The following TMEM178A variants were observed in gnomAD, a reference collection of about 807,000 sequenced individuals.
TMEM178A encodes the protein transmembrane protein 178.
In TMEM178A, 12 loss-of-function variants were observed where a neutral mutation model predicts 29.1. That is an observed-to-expected ratio of 0.41 (90% CI 0.26 to 0.67). TMEM178A has a LOEUF of 0.67. TMEM178A is among the 30% of genes least tolerant of loss of function. The pLI, the probability that TMEM178A is intolerant of heterozygous loss-of-function variation, is 0.29. For missense variants in TMEM178A, 366 were observed against 419.1 expected, an observed-to-expected ratio of 0.87 and a Z score of 1.11; for synonymous variants, 210 against 187.2, an observed-to-expected ratio of 1.12 and a Z score of -0.99.
chr2:39,728,694 T>C, the TMEM178A span, among the ~76,000 whole-genome samples: 73,621 of 151,608 alleles, frequency 0.49, 18,438 homozygotes, highest in East Asian at 0.77. Context: ...TCTACATCAC[T>C]GTCACTCACT....
chr2:39,666,399 C>G, intron 1 of TMEM178A, 25 bp downstream of exon 1: 1 of 1,317,120 alleles, frequency 7.6e-7, no homozygotes, highest in Non-Finnish European at 9.7e-7. Flanking sequence ...CACCCCGCGT[C>G]CCCGGCGCCC....
intron 1 of TMEM178A, among the ~76,000 whole-genome samples, chr2:39,685,591 G>A (rs1008507396): frequency 1.3e-5 from 2 of 152,134 alleles, no homozygotes; most frequent in Non-Finnish European, 2.9e-5. Context: ...TCAGTAAATC[G>A]GGCTAGATAA....
At chr2:39,685,583 A>C (rs570126582) in intron 1 of TMEM178A, among the ~76,000 whole-genome samples, 8 of 152,340 alleles carry the variant, frequency 5.3e-5, no homozygotes, top group African/African-American at 1.4e-4. Flanking sequence ...GAGGCTCTTC[A>C]GTAAATCGGG....
At chr2:39,729,009 A>G in the TMEM178A span, among the ~76,000 whole-genome samples, 3 of 152,206 alleles carry the variant, frequency 2.0e-5, no homozygotes, top group Non-Finnish European at 4.4e-5. Context: ...AGAGTGCTTC[A>G]GTAACCTTGG....
At chr2:39,725,706 T>C in the TMEM178A span, among the ~76,000 whole-genome samples, 2 of 152,222 alleles carry the variant, frequency 1.3e-5, no homozygotes, top group Non-Finnish European at 2.9e-5. Context: ...TGGTGATCCC[T>C]GGTCTGTGAA....
At chr2:39,712,723 G>T (rs752644499) in intron 3 of TMEM178A, among the ~76,000 whole-genome samples, 4 of 152,042 alleles carry the variant, frequency 2.6e-5, no homozygotes, top group Non-Finnish European at 5.9e-5. Context: ...AGCTAGGCAG[G>T]GGAGAAGTGG....
rs143426478 is a variant in TMEM178A, at chr2:39,702,540, C to T, written c.401-1541C>T. Among the ~76,000 whole-genome samples, 616 of 152,142 alleles carry T rather than the reference C, an allele frequency of 4.0e-3. 4 individuals are homozygous for T. The highest frequency in any genetic ancestry group is 0.013 in the African/African-American group (552 of 41,502). The stretch of plus-strand genomic sequence containing the variant: ...GTGGTCCTTTATCTGTCATTGTTCT[C>T]ATACTATATTGTTTTCCCTTTGGAA... On this transcript the variant is annotated intron_variant, in intron 1 of 3. Transcript: ENST00000281961.
chr2:39,687,620 C>T (rs895136302), intron 1 of TMEM178A, among the ~76,000 whole-genome samples: 1 of 152,150 alleles, frequency 6.6e-6, no homozygotes, highest in Non-Finnish European at 1.5e-5. Context: ...GAAAACCAAG[C>T]AGGGAAAGGA....
intron 1 of TMEM178A, among the ~76,000 whole-genome samples, chr2:39,676,902 G>A (rs1670651641): frequency 6.6e-6 from 1 of 152,172 alleles, no homozygotes; most frequent in Admixed American, 6.5e-5. Flanking sequence ...TGAAAGCCCT[G>A]TGCTTTTCTG....
chr2:39,667,583 G>A (rs964121926), intron 1 of TMEM178A, among the ~76,000 whole-genome samples: 1 of 152,198 alleles, frequency 6.6e-6, no homozygotes, highest in African/African-American at 2.4e-5. Context: ...TTACAGCCTG[G>A]AATGGAATGA....
chr2:39,731,299 C>G, the TMEM178A span, among the ~76,000 whole-genome samples: 1 of 152,064 alleles, frequency 6.6e-6, no homozygotes, highest in Non-Finnish European at 1.5e-5. Flanking sequence ...TTTAGTGTTG[C>G]TATAATAGAA....
Position 39,717,364 on chromosome 2 carries a change from C to A in TMEM178A, c.*113C>A. The A allele has an allele frequency of 7.0e-7, 1 of 1,427,998 alleles. No homozygotes were observed. The allele number at this position is 1,427,998 out of a possible 1,614,324, so 88.5% of individuals were successfully genotyped here. A position where few individuals can be genotyped will look rare whatever the true frequency, so the allele number is the denominator to read the frequency against. Reference sequence around the variant, plus strand: ...ACATTCCAACCTGTTGCCTGCCAGCCCTTTCTGGATTACTGATAGAAAATC... The same window carrying A: ...ACATTCCAACCTGTTGCCTGCCAGCACTTTCTGGATTACTGATAGAAAATC... On this transcript the variant is annotated 3_prime_UTR_variant, in exon 4 of 4. Coordinates refer to ENST00000281961, the MANE Select transcript of TMEM178A (RefSeq NM_152390.3).
chr2:39,696,556 T>C (rs1328024004), intron 1 of TMEM178A, among the ~76,000 whole-genome samples: 1 of 152,176 alleles, frequency 6.6e-6, no homozygotes, highest in East Asian at 1.9e-4. Context: ...CAAGGCTCAG[T>C]GAGCTTCAGT....
At chr2:39,671,356 C>A (rs948871767) in intron 1 of TMEM178A, among the ~76,000 whole-genome samples, 1 of 152,124 alleles carries the variant, frequency 6.6e-6, no homozygotes, top group African/African-American at 2.4e-5. Flanking sequence ...ATTTGTAGAC[C>A]AAAGTATAAT....
chr2:39,665,643 A>C, upstream of TMEM178A: 14 of 196,436 alleles, frequency 7.1e-5, no homozygotes, highest in East Asian at 1.0e-4. Flanking sequence ...GATCGGAGGT[A>C]GGGAGAGGGG....
At chr2:39,689,654 G>C (rs537235001) in intron 1 of TMEM178A, among the ~76,000 whole-genome samples, 33 of 152,138 alleles carry the variant, frequency 2.2e-4, no homozygotes, top group African/African-American at 7.7e-4. Context: ...GGTGGTGATG[G>C]GTGCACAACA....
rs569586382 is a variant in TMEM178A at position 39,684,200 on chromosome 2, A to G, written c.400+17826A>G. On this transcript the variant is annotated intron_variant, in intron 1 of 3. Coordinates refer to ENST00000281961, the MANE Select transcript of TMEM178A (RefSeq NM_152390.3). ...TTGTGGTTTAAGATTTAGGGTTGCT[A>G]AATATCAGGTGCTATCAAAATGTAA... Among the ~76,000 whole-genome samples, 9 of 152,312 alleles carry G rather than the reference A, an allele frequency of 5.9e-5. No homozygotes were observed. In the South Asian group the frequency reaches 1.7e-3, roughly 28 times the overall value.
downstream of TMEM178A, among the ~76,000 whole-genome samples, chr2:39,722,924 G>T (rs928427991): frequency 6.6e-6 from 1 of 152,108 alleles, no homozygotes; most frequent in Non-Finnish European, 1.5e-5. Flanking sequence ...GACCTTAGAG[G>T]TAAATTCCCT....
Position 39,700,630 on chromosome 2 carries a change from T to G in TMEM178A, c.401-3451T>G, listed in dbSNP as rs897450055. ...TTGTTTTATCTACAATGCCAATCTC[T>G]GCCTTTTTATTGGAGTATATATTTA... On this transcript the variant is annotated intron_variant, in intron 1 of 3. Transcript: ENST00000281961. Among the ~76,000 whole-genome samples, 4 of 152,140 alleles carry G rather than the reference T, an allele frequency of 2.6e-5. No individual in the cohort carries two copies. The East Asian group carries it at 5.8e-4, about 22-fold the overall frequency.
Sources: gnomAD v4.1 joint callset for allele counts (sites outside exome capture counted in the v4.1 genomes callset) on GRCh38, gnomAD v4.1.1 for gene constraint, MANE v1.5 for transcripts, NCBI Gene and HGNC (gene_info 2026-07-23, HGNC 2026-07-21) for gene names.